The following SIK3 variants were observed in gnomAD, a reference collection of about 807,000 sequenced individuals.
SIK3 encodes the protein SIK family kinase 3, also known as serine/threonine-protein kinase SIK3.
SIK3 carries 28 observed loss-of-function variants against 144.2 expected under a neutral mutation model. The observed-to-expected ratio is 0.19, with a 90% CI of 0.14 to 0.27. SIK3 has a LOEUF of 0.27. Ranked by LOEUF, SIK3 falls within the 10% of genes least tolerant of loss-of-function variation. The pLI is 1.00. For synonymous variants in SIK3, 686 were observed against 676.3 expected (o/e 1.01, Z -0.22); for missense variants, 1,319 against 1,776.0 (o/e 0.74, Z 4.62).
Position 116,919,211 on chromosome 11 carries a change from A to C in SIK3, c.616+8008T>G, listed in dbSNP as rs544921000. ...GGGTACTCAAAAATCCAAGGTTTCC[A>C]ACCTTTCTTTTCTATATGATGGTAT... On this transcript the variant is annotated intron_variant, in intron 4 of 24. Transcript: ENST00000445177. 4.6e-5 allele frequency among the ~76,000 whole-genome samples: 7 copies of C among 152,346 alleles called. 1 individual carries two copies. The South Asian group carries it at 1.5e-3, about 32-fold the overall frequency.
In SIK3 at chr11:116,927,259, T is replaced by C; in HGVS notation, c.576A>G (p.Glu192=). 6.2e-7 allele frequency: 1 copy of C among 1,614,072 alleles called. No homozygotes were observed. The highest frequency in any genetic ancestry group is 1.3e-5 in the African/African-American group (1 of 75,046). ...RNIVHRDLKA[E]NLLLDANLNI... Reference sequence around the variant, plus strand: ...TCAGATTGGCATCCAGAAGTAAATTTTCAGCTTTTAAATCACGATGAACAA... The same window carrying C: ...TCAGATTGGCATCCAGAAGTAAATTCTCAGCTTTTAAATCACGATGAACAA... The change falls in exon 4 of 25, where the codon GAA becomes GAG. Residue 192 remains glutamate (E), a synonymous_variant. Transcript: ENST00000445177.
At chr11:117,023,621 A>ATATATATATATATATATATATATATATAT (rs1555131640) in intron 1 of SIK3, among the ~76,000 whole-genome samples, 3 of 95,412 alleles carry the variant, frequency 3.1e-5, no homozygotes, top group East Asian at 3.1e-4. Flanking sequence ...AAAAAAAAAA[A>ATATATATATATATATATATATATATATAT]ATATATATAT....
At chr11:116,988,895 G>A (rs1385539807) in intron 1 of SIK3, among the ~76,000 whole-genome samples, 1 of 151,130 alleles carries the variant, frequency 6.6e-6, no homozygotes, top group African/African-American at 2.4e-5. Context: ...TCTAAAAGAA[G>A]ACAACATATG....
chr11:117,031,314 CAGTT>C (rs778017219), intron 1 of SIK3, among the ~76,000 whole-genome samples: 15 of 150,068 alleles, frequency 1.0e-4, no homozygotes, highest in Non-Finnish European at 1.8e-4. Context: ...GATCCACTCT[CAGTT>C]AATTTTTTTA....
At chr11:117,089,148 G>A (rs1244529951) in intron 1 of SIK3, among the ~76,000 whole-genome samples, 1 of 151,366 alleles carries the variant, frequency 6.6e-6, no homozygotes, top group Admixed American at 6.6e-5. Flanking sequence ...GCTCACGCCT[G>A]TAATCCCAGC....
intron 1 of SIK3, among the ~76,000 whole-genome samples, chr11:116,959,912 G>T (rs77029349): frequency 0.073 from 11,152 of 152,064 alleles, 738 homozygotes; most frequent in African/African-American, 0.18. Flanking sequence ...ATTTCAAAAT[G>T]GCTGAAGGAG....
At chr11:117,002,693 A>C (rs1258237750) in intron 1 of SIK3, among the ~76,000 whole-genome samples, 2 of 152,258 alleles carry the variant, frequency 1.3e-5, no homozygotes, top group Admixed American at 6.5e-5. Context: ...TTTAACTTAA[A>C]ACAGTATGAA....
rs1948587116 is a variant in SIK3, at chr11:116,946,340, T to A, written c.454+7704A>T. On this transcript the variant is annotated intron_variant, in intron 3 of 24. Coordinates refer to ENST00000445177, the MANE Select transcript of SIK3 (RefSeq NM_001366686.3). ...GTGATGGCAGAAGATAGGAAACCCC[T>A]CTGTCAGAGACAAAAGACTTTGTCA... Among the ~76,000 whole-genome samples, 3 of 152,106 alleles carry A rather than the reference T, an allele frequency of 2.0e-5. No individual in the cohort carries two copies. In the South Asian group the frequency reaches 6.2e-4, roughly 32 times the overall value.
intron 1 of SIK3, among the ~76,000 whole-genome samples, chr11:116,977,214 TCCTCCCTCCCTC>T (rs56347002): frequency 8.9e-5 from 9 of 100,852 alleles, no homozygotes; most frequent in South Asian, 3.7e-4. Flanking sequence ...TCTCTCTTCT[TCCTCCCTCCCTC>T]CCTCCCTCCC....
chr11:116,864,771 T>C (rs1054952238), intron 15 of SIK3: 1 of 152,192 alleles, frequency 6.6e-6, no homozygotes, highest in Non-Finnish European at 1.5e-5. Context: ...ACACTGAACT[T>C]TGGATGAAAT....
intron 1 of SIK3, among the ~76,000 whole-genome samples, chr11:117,024,796 C>G (rs11216239): frequency 0.37 from 56,550 of 151,628 alleles, 12,869 homozygotes; most frequent in African/African-American, 0.65. Flanking sequence ...AGCTACTTAG[C>G]AGGCTGAGGT....
intron 4 of SIK3, among the ~76,000 whole-genome samples, chr11:116,911,135 T>TAAAAC (rs550453606): frequency 4.6e-5 from 7 of 151,960 alleles, no homozygotes; most frequent in South Asian, 2.1e-4. Flanking sequence ...CCCTGTCTTT[T>TAAAAC]AAAACAAAAC....
At chr11:116,958,946 C>T (rs1949243612) in intron 1 of SIK3, among the ~76,000 whole-genome samples, 1 of 152,166 alleles carries the variant, frequency 6.6e-6, no homozygotes, top group Admixed American at 6.5e-5. Context: ...ATAGCTTGGT[C>T]TTAATAGTCA....
intron 21 of SIK3, among the ~76,000 whole-genome samples, chr11:116,854,497 T>A (rs938569994): frequency 6.6e-6 from 1 of 152,270 alleles, no homozygotes; most frequent in South Asian, 2.1e-4. Context: ...CAAAGCTGTT[T>A]ATGAGCTTGT....
At chr11:116,991,580 A>AAGTACAAATAATTCTATACTATT in intron 1 of SIK3, among the ~76,000 whole-genome samples, 2 of 152,332 alleles carry the variant, frequency 1.3e-5, no homozygotes, top group African/African-American at 4.8e-5. Flanking sequence ...TTCAGTCAAG[A>AAGTACAAATAATTCTATACTATT]AGTACAAATA....
chr11:116,959,541 T>C (rs1197016716), intron 1 of SIK3, among the ~76,000 whole-genome samples: 4 of 152,320 alleles, frequency 2.6e-5, no homozygotes, highest in East Asian at 1.9e-4. Flanking sequence ...ATGTACAATG[T>C]AACTGGGGAA....
At chr11:116,898,127 C>T (rs1396457427) in intron 4 of SIK3, among the ~76,000 whole-genome samples, 14 of 150,702 alleles carry the variant, frequency 9.3e-5, no homozygotes, top group South Asian at 2.1e-4. Context: ...CTCCCCCGTC[C>T]CCCCACCCCA....
intron 1 of SIK3, among the ~76,000 whole-genome samples, chr11:117,017,146 A>G (rs529705375): frequency 2.0e-5 from 3 of 152,364 alleles, no homozygotes; most frequent in Admixed American, 2.0e-4. Context: ...AGTCCCAGCT[A>G]CTTGGAAGGC....
chr11:116,952,580 C>G (rs568756030), intron 3 of SIK3, among the ~76,000 whole-genome samples: 3 of 152,282 alleles, frequency 2.0e-5, no homozygotes, highest in Admixed American at 1.3e-4. Flanking sequence ...CTTTCATTTT[C>G]TGGTTCATAA....
Sources: allele counts gnomAD v4.1 joint callset (sites outside exome capture counted in the v4.1 genomes callset), GRCh38; gene constraint gnomAD v4.1.1; transcripts MANE v1.5; gene names NCBI Gene and HGNC (gene_info 2026-07-23, HGNC 2026-07-21).